NFRKB: variants seen among roughly 807,000 people sequenced by gnomAD.
NFRKB encodes nuclear factor related to kappaB binding protein.
Under a neutral mutation model 135.7 loss-of-function variants are expected in NFRKB, and 62 were observed. The ratio of observed to expected loss-of-function variants is 0.46; its 90% CI spans 0.37 to 0.56. NFRKB has a LOEUF of 0.56. Among genes scored for constraint, NFRKB ranks in the 20% least tolerant of loss-of-function variants. The pLI, the probability that NFRKB is intolerant of heterozygous loss-of-function variation, is 0.00. For missense variants in NFRKB, 1,545 were observed against 1,662.0 expected (o/e 0.93, Z 1.22); for synonymous variants, 678 against 635.6 (o/e 1.07, Z -1.00).
intron 4 of NFRKB, among the ~76,000 whole-genome samples, chr11:129,886,784 G>A (rs561289331): frequency 1.4e-4 from 22 of 152,254 alleles, no homozygotes; most frequent in South Asian, 6.2e-4. Flanking sequence ...CTGTTTCGGG[G>A]GAAACATGCC....
In NFRKB at chr11:129,870,064, T is replaced by A. The variant is rs141214975; in HGVS notation, c.2961A>T (p.Thr987=). Residue 987 remains threonine, a synonymous_variant, in exon 24 of 27, where the codon ACA becomes ACT. Coordinates refer to ENST00000682444, the MANE Select transcript of NFRKB (RefSeq NM_001143835.2). ...MATLAKSQVT[T]VKLTQDLFGT... ...CGAAGAGGTCCTGGGTCAATTTGACTGTGGTAACCTGGGACTTGGCCAATG... is the reference window on the plus strand; with the variant it reads ...CGAAGAGGTCCTGGGTCAATTTGACAGTGGTAACCTGGGACTTGGCCAATG... 4.5e-5 allele frequency: 73 copies of A among 1,614,146 alleles called. No homozygotes were observed. The South Asian group carries it at 7.1e-4, about 16-fold the overall frequency.
At position 129,885,558 on chromosome 11, in the gene NFRKB, T is replaced by C. The variant is rs1949235355; in HGVS notation, c.517A>G (p.Lys173Glu). The C allele has an allele frequency of 6.2e-7, 1 of 1,613,810 alleles. No homozygotes were observed. Among genetic ancestry groups the C allele is most frequent in the South Asian group, 1.1e-5 (1 of 91,084 alleles). Residue 173 changes from lysine (K) to glutamate (E), a missense_variant, in exon 6 of 27, where the codon AAA becomes GAA. Physicochemically the swap from Lys to Glu is moderately conservative, Grantham distance 56. Around this residue, in one of 3 missense-constraint regions of NFRKB, gnomAD observed 678 missense variants for 646.7 expected, o/e 1.05. Coordinates refer to ENST00000682444, the MANE Select transcript of NFRKB (RefSeq NM_001143835.2). ...GGTGTGCGGGATGGTGAAGGGCGTTTCTGCCGGAAGGGAAGGGCGGGGCCA... is the reference window on the plus strand; with the variant it reads ...GGTGTGCGGGATGGTGAAGGGCGTTCCTGCCGGAAGGGAAGGGCGGGGCCA... The part of the protein sequence containing the change: ...RSGPALPFRQ[K>E]RPSPSRTPEE...
intron 2 of NFRKB, chr11:129,893,243 GT>G: frequency 3.6e-6 from 2 of 548,018 alleles, no homozygotes; most frequent in Non-Finnish European, 6.2e-6. Context: ...TGTAACAACT[GT>G]TTTTTAGCAA....
At chr11:129,878,284 CCCA>C in intron 15 of NFRKB, 22 bp downstream of exon 15, 1 of 1,611,582 alleles carries the variant, frequency 6.2e-7, no homozygotes, top group Non-Finnish European at 8.5e-7. Context: ...CAGGACACCA[CCCA>C]CCACTACAGT....
At chr11:129,878,766 G>C (rs1011954994) in intron 13 of NFRKB, among the ~76,000 whole-genome samples, 7 of 152,202 alleles carry the variant, frequency 4.6e-5, no homozygotes, top group Non-Finnish European at 7.3e-5. Flanking sequence ...CATTCGCTGA[G>C]TATCCACTGT....
At chr11:129,886,021 C>T (rs1308271062) in intron 5 of NFRKB, among the ~76,000 whole-genome samples, 3 of 152,178 alleles carry the variant, frequency 2.0e-5, no homozygotes, top group African/African-American at 4.8e-5. Flanking sequence ...AAGGAATCCT[C>T]GTTTCCCTTA....
chr11:129,883,367 T>C (rs1164887671), intron 8 of NFRKB, among the ~76,000 whole-genome samples, 161 bp from the exon 9 acceptor site: 1 of 152,240 alleles, frequency 6.6e-6, no homozygotes, highest in Non-Finnish European at 1.5e-5. Flanking sequence ...TTCCCTATCA[T>C]ATCCCCATTT....
In NFRKB at chr11:129,875,341, C is replaced by A; in HGVS notation, c.1854+16G>T. ...CATTCTGGAACAAAGCAAAAGTAAT[C>A]TCTTCTCCGTCCTACCTGAGTGCTG... is the stretch of plus-strand genomic sequence containing the variant. On this transcript the variant is annotated intron_variant, in intron 18 of 26. Coordinates refer to ENST00000682444, the MANE Select transcript of NFRKB (RefSeq NM_001143835.2). The A allele has an allele frequency of 6.3e-7, 1 of 1,587,250 alleles. No individual in the cohort carries two copies. Among genetic ancestry groups the A allele is most frequent in the Non-Finnish European group, 8.6e-7 (1 of 1,160,788 alleles).
rs546182288 is a variant in NFRKB at position 129,882,852 on chromosome 11, T to C, written c.902-221A>G. On this transcript the variant is annotated intron_variant, in intron 9 of 26. Transcript: ENST00000682444. ...AAGCTGGAGTGCAGTGGTGCGATCA[T>C]AGCTCACTACAGCCTCAATCTCCCC... is the stretch of plus-strand genomic sequence containing the variant. Among the ~76,000 whole-genome samples, 10 of 152,216 alleles carry C rather than the reference T, an allele frequency of 6.6e-5. No individual in the cohort carries two copies. In the South Asian group the frequency reaches 1.2e-3, roughly 19 times the overall value.
At chr11:129,877,230 TC>T (rs1400849937) in intron 16 of NFRKB, 94 bp downstream of exon 16, 3 of 1,273,208 alleles carry the variant, frequency 2.4e-6, no homozygotes, top group Non-Finnish European at 3.4e-6. Flanking sequence ...GGTATGAGTT[TC>T]TTGCAAGAAG....
intron 11 of NFRKB, 21 bp downstream of exon 11, chr11:129,882,065 C>T (rs1432876490): frequency 5.7e-6 from 9 of 1,579,014 alleles, no homozygotes; most frequent in Non-Finnish European, 7.7e-6. Context: ...AATGTACCTC[C>T]AACTTTTCCA....
chr11:129,886,302 C>T lies in NFRKB; in HGVS notation c.465+15G>A, dbSNP rs1312262686. On this transcript the variant is annotated intron_variant, in intron 5 of 26. Transcript: ENST00000682444. ...GACTGCCCACATTTTATATCCAGTT[C>T]CCAGCACTACTTACACTCCGGGAAG... is the stretch of plus-strand genomic sequence containing the variant. 1 of 1,612,548 alleles carries T rather than the reference C, an allele frequency of 6.2e-7. No homozygotes were observed. The highest frequency in any genetic ancestry group is 2.2e-5 in the East Asian group (1 of 44,868).
At chr11:129,866,220 G>A (rs1948185709) in intron 24 of NFRKB, among the ~76,000 whole-genome samples, 1 of 152,098 alleles carries the variant, frequency 6.6e-6, no homozygotes. Context: ...ACCAGAAGCA[G>A]CAGCAACCCA....
intron 24 of NFRKB, among the ~76,000 whole-genome samples, chr11:129,867,626 T>C (rs1948265350): frequency 6.6e-6 from 1 of 152,204 alleles, no homozygotes; most frequent in African/African-American, 2.4e-5. Context: ...CAACTATTTC[T>C]TTTTTAACCA....
chr11:129,873,972 T>G lies in NFRKB; in HGVS notation c.2323A>C (p.Met775Leu). ...SSPTMPHLGT[M>L]LSPASSQTAP... is the part of the protein sequence containing the mutation. ...GTCTGGCTGGAAGCTGGGGAAAGCA[T>G]TGTTCCCAGATGTGGCATTGTTGGT... The change falls in exon 22 of 27, where the codon ATG becomes CTG. Residue 775 changes from methionine (M) to leucine (L), a missense_variant. Transcript: ENST00000682444. The G allele has an allele frequency of 6.2e-7, 1 of 1,612,934 alleles. No individual in the cohort carries two copies. The highest frequency in any genetic ancestry group is 8.5e-7 in the Non-Finnish European group (1 of 1,180,016).
At position 129,865,966 on chromosome 11, in the gene NFRKB, C is replaced by T. The variant is rs746248027; in HGVS notation, c.3549G>A (p.Arg1183=). 1.9e-6 allele frequency: 3 copies of T among 1,610,886 alleles called. No individual in the cohort carries two copies. Among genetic ancestry groups the T allele is most frequent in the South Asian group, 2.2e-5 (2 of 90,708 alleles). ...TGATCACAGAGAGGGGAACTGTGAT[C>T]CGTGTAGGCAACTTCCCCTAGAAAA... ...STSQAGKLPT[R]ITVPLSVISQ... is the part of the protein sequence containing the mutation. The change falls in exon 25 of 27, where the codon CGG becomes CGA. Residue 1183 remains arginine, a synonymous_variant. Coordinates refer to ENST00000682444, the MANE Select transcript of NFRKB (RefSeq NM_001143835.2).
Position 129,893,689 on chromosome 11 carries a change from A to C in NFRKB, c.-22+670T>G, listed in dbSNP as rs552423539. ...CAGTCACTTTATGAGGGCCTATTAA[A>C]AGCCAGGCCTTTCACATATCTCATT... On this transcript the variant is annotated intron_variant, in intron 2 of 26. Transcript: ENST00000682444. 1.9e-3 allele frequency among the ~76,000 whole-genome samples: 291 copies of C among 152,346 alleles called. 1 individual carries two copies. The highest frequency in any genetic ancestry group is 6.3e-3 in the African/African-American group (260 of 41,566).
intron 3 of NFRKB, among the ~76,000 whole-genome samples, chr11:129,891,256 G>A (rs1164727085): frequency 6.6e-6 from 1 of 152,098 alleles, no homozygotes; most frequent in Non-Finnish European, 1.5e-5. Flanking sequence ...GAAAATCAGA[G>A]CAAACGACAC....
At chr11:129,883,756 C>T (rs755547810) in intron 8 of NFRKB, among the ~76,000 whole-genome samples, 27 of 151,818 alleles carry the variant, frequency 1.8e-4, no homozygotes, top group Non-Finnish European at 3.5e-4. Flanking sequence ...CAACTCCTGG[C>T]TCTGCTGCTT....
Sources: gnomAD v4.1 joint callset for allele counts (sites outside exome capture counted in the v4.1 genomes callset) on GRCh38, gnomAD v4.1.1 for gene constraint, gnomAD v4.1.1 regional missense constraint, MANE v1.5 for transcripts, NCBI Gene and HGNC (gene_info 2026-07-23, HGNC 2026-07-21) for gene names.